HOMER1: variants seen among roughly 807,000 people sequenced by gnomAD.
The protein encoded by HOMER1 is homer protein homolog 1.
Under a neutral mutation model 48.9 loss-of-function variants are expected in HOMER1, and 3 were observed. That is an observed-to-expected ratio of 0.06 (90% CI 0.03 to 0.16). The LOEUF is 0.16. Ranked by LOEUF, HOMER1 falls within the 10% of genes least tolerant of loss-of-function variation. The pLI, the probability that HOMER1 is intolerant of heterozygous loss-of-function variation, is 1.00. For missense variants in HOMER1, 247 were observed against 411.4 expected, an observed-to-expected ratio of 0.60 and a Z score of 3.46; for synonymous variants, 134 against 146.4, an observed-to-expected ratio of 0.92 and a Z score of 0.61.
At chr5:79,502,078 G>A (rs1022386776) in intron 1 of HOMER1, among the ~76,000 whole-genome samples, 6 of 138,448 alleles carry the variant, frequency 4.3e-5, no homozygotes, top group African/African-American at 1.6e-4. Flanking sequence ...GGAGTTCAGT[G>A]GCGCGATCTT....
chr5:79,421,631 G>T (rs1333831271), intron 5 of HOMER1, among the ~76,000 whole-genome samples: 2 of 151,174 alleles, frequency 1.3e-5, no homozygotes, highest in African/African-American at 4.9e-5. Context: ...TTGAGAAGGG[G>T]CCTTGCTCTT....
chr5:79,379,374 T>A (rs1402034750), intron 8 of HOMER1, among the ~76,000 whole-genome samples: 2 of 114,240 alleles, frequency 1.8e-5, no homozygotes, highest in Non-Finnish European at 3.3e-5. Flanking sequence ...TTATATATAT[T>A]TATATATTTT....
chr5:79,430,970 GAGCAAGAATATC>G (rs1750407310), intron 5 of HOMER1, among the ~76,000 whole-genome samples: 2 of 151,978 alleles, frequency 1.3e-5, no homozygotes, highest in African/African-American at 2.4e-5. Context: ...TATATTCATA[GAGCAAGAATATC>G]AGACAAGAAA....
At chr5:79,457,423 G>A (rs1468973782) in intron 1 of HOMER1, among the ~76,000 whole-genome samples, 4 of 152,134 alleles carry the variant, frequency 2.6e-5, no homozygotes, top group Admixed American at 2.6e-4. Context: ...ATTTACAAGT[G>A]TCCTTTTTAT....
At chr5:79,447,013 G>T in intron 4 of HOMER1, 40 bp downstream of exon 4, 1 of 1,196,148 alleles carries the variant, frequency 8.4e-7, no homozygotes, top group South Asian at 1.2e-5. Flanking sequence ...TATCTGAAAT[G>T]AACAAGGTTC....
At chr5:79,448,661 C>T (rs1750951323) in intron 3 of HOMER1, among the ~76,000 whole-genome samples, 1 of 152,092 alleles carries the variant, frequency 6.6e-6, no homozygotes. Context: ...ATAAAACAAG[C>T]TAGAATGTTT....
At chr5:79,386,581 A>G (rs1254092337) in intron 8 of HOMER1, among the ~76,000 whole-genome samples, 1 of 152,228 alleles carries the variant, frequency 6.6e-6, no homozygotes, top group Non-Finnish European at 1.5e-5. Flanking sequence ...ATAGTTAGCA[A>G]CAATATATTG....
rs1397293304 is a variant in HOMER1, at chr5:79,494,003, T to C, written c.5+18767A>G. Among the ~76,000 whole-genome samples, 4 of 152,220 alleles carry C rather than the reference T, an allele frequency of 2.6e-5. No homozygotes were observed. The East Asian group carries it at 5.8e-4, about 22-fold the overall frequency. On this transcript the variant is annotated intron_variant, in intron 1 of 8. Transcript: ENST00000334082. ...TTAAAGGACCATTACTTATCCAATCTAATTATTTCTTGCCTCATTTGATGT... is the reference window on the plus strand; with the variant it reads ...TTAAAGGACCATTACTTATCCAATCCAATTATTTCTTGCCTCATTTGATGT...
At chr5:79,391,320 A>G (rs2112205770) in intron 8 of HOMER1, among the ~76,000 whole-genome samples, 1 of 151,930 alleles carries the variant, frequency 6.6e-6, no homozygotes, top group East Asian at 2.0e-4. Context: ...TGTAGAGACA[A>G]GGTCTCACCA....
intron 1 of HOMER1, among the ~76,000 whole-genome samples, chr5:79,470,487 C>T (rs1751587344): frequency 6.6e-6 from 1 of 152,170 alleles, no homozygotes; most frequent in South Asian, 2.1e-4. Context: ...ATACACAACA[C>T]CCATCTTATA....
chr5:79,414,143 A>G (rs553076573), intron 5 of HOMER1, among the ~76,000 whole-genome samples: 3 of 152,240 alleles, frequency 2.0e-5, no homozygotes, highest in African/African-American at 7.2e-5. Context: ...GCTGGAGTGC[A>G]GTGATGTGAT....
intron 8 of HOMER1, among the ~76,000 whole-genome samples, chr5:79,383,083 T>C (rs1580413021): frequency 6.6e-6 from 1 of 152,348 alleles, no homozygotes; most frequent in South Asian, 2.1e-4. Context: ...GGAGTAGCTA[T>C]ACCTATATCA....
At chr5:79,407,771 G>A (rs1320782107) in intron 5 of HOMER1, among the ~76,000 whole-genome samples, 1 of 152,122 alleles carries the variant, frequency 6.6e-6, no homozygotes, top group African/African-American at 2.4e-5. Flanking sequence ...AGACATAAAG[G>A]CTGAGTATTT....
At chr5:79,433,003 T>A (rs1002597361) in intron 5 of HOMER1, among the ~76,000 whole-genome samples, 1 of 152,174 alleles carries the variant, frequency 6.6e-6, no homozygotes, top group African/African-American at 2.4e-5. Flanking sequence ...ACAACTTAAA[T>A]TTTTCACCTA....
intron 5 of HOMER1, among the ~76,000 whole-genome samples, chr5:79,417,154 T>C (rs555319853): frequency 6.6e-6 from 1 of 152,136 alleles, no homozygotes; most frequent in East Asian, 1.9e-4. Context: ...ACTTTTTTTT[T>C]TTTTTTGAGA....
intron 3 of HOMER1, among the ~76,000 whole-genome samples, chr5:79,448,624 T>A (rs1433588049): frequency 1.3e-5 from 2 of 152,176 alleles, no homozygotes; most frequent in East Asian, 3.8e-4. Context: ...CCTTATAATG[T>A]TTTGACTTAC....
chr5:79,509,727 T>G (rs1356035360), intron 1 of HOMER1, among the ~76,000 whole-genome samples: 1 of 152,188 alleles, frequency 6.6e-6, no homozygotes, highest in Non-Finnish European at 1.5e-5. Flanking sequence ...TTCCAAAAAG[T>G]TCATAAACTA....
intron 8 of HOMER1, among the ~76,000 whole-genome samples, chr5:79,376,734 T>G (rs1748781317): frequency 6.6e-6 from 1 of 152,184 alleles, no homozygotes; most frequent in Non-Finnish European, 1.5e-5. Context: ...AATGTATATG[T>G]AGAGAGTATC....
chr5:79,457,070 C>T (rs755126767), intron 1 of HOMER1, 52 bp from the exon 2 acceptor site: 36 of 1,549,080 alleles, frequency 2.3e-5, no homozygotes, highest in Non-Finnish European at 3.2e-5. Flanking sequence ...TTTTATTTCA[C>T]TAGACAAGAG....
Sources: gnomAD v4.1 joint callset for allele counts (sites outside exome capture counted in the v4.1 genomes callset) on GRCh38, gnomAD v4.1.1 for gene constraint, MANE v1.5 for transcripts, NCBI Gene and HGNC (gene_info 2026-07-23, HGNC 2026-07-21) for gene names.